ZHX2: variants seen among roughly 807,000 people sequenced by gnomAD.
The protein encoded by ZHX2 is zinc fingers and homeoboxes 2, also known as zinc fingers and homeoboxes protein 2.
In ZHX2, 6 loss-of-function variants were observed where a neutral mutation model predicts 21.9. That is an observed-to-expected ratio of 0.27 (90% CI 0.15 to 0.54). The LOEUF is 0.54. Ranked by LOEUF, ZHX2 falls within the 20% of genes least tolerant of loss-of-function variation. The pLI is 0.95. For synonymous variants in ZHX2, 434 were observed against 437.1 expected (o/e 0.99, Z 0.09); for missense variants, 908 against 1,090.7 (o/e 0.83, Z 2.36).
intron 1 of ZHX2, among the ~76,000 whole-genome samples, chr8:122,793,942 T>C (rs1247917149): frequency 1.3e-5 from 2 of 152,200 alleles, no homozygotes; most frequent in South Asian, 2.1e-4. Context: ...GTGGGCCATC[T>C]GTGCTATAGG....
chr8:122,925,597 G>A (rs1261560086), intron 2 of ZHX2, among the ~76,000 whole-genome samples: 1 of 152,200 alleles, frequency 6.6e-6, no homozygotes, highest in Non-Finnish European at 1.5e-5. Flanking sequence ...TATAAGCAAG[G>A]CTTTGAAGAT....
intron 2 of ZHX2, among the ~76,000 whole-genome samples, chr8:122,893,982 G>C (rs1197645345): frequency 6.6e-6 from 1 of 152,220 alleles, no homozygotes; most frequent in East Asian, 1.9e-4. Flanking sequence ...ACTTTTTCCT[G>C]TAGATGTGTC....
chr8:122,970,536 A>C (rs1813694695), intron 3 of ZHX2, among the ~76,000 whole-genome samples: 1 of 152,130 alleles, frequency 6.6e-6, no homozygotes, highest in Non-Finnish European at 1.5e-5. Context: ...CAGATCCTGG[A>C]TCCCAGCTTT....
At position 122,819,810 on chromosome 8, in the gene ZHX2, C is replaced by T. The variant is rs148855712; in HGVS notation, c.-283+37864C>T. 4.1e-3 allele frequency among the ~76,000 whole-genome samples: 620 copies of T among 152,338 alleles called. 1 individual carries two copies. The highest frequency in any genetic ancestry group is 0.013 in the African/African-American group (557 of 41,578). ...CTTCCAGAAGGCAGTGAAGTGGTTA[C>T]ATCCAAATACCCACAAGAGGCCGGA... On this transcript the variant is annotated intron_variant, in intron 1 of 3. Coordinates refer to ENST00000314393, the MANE Select transcript of ZHX2 (RefSeq NM_014943.5).
intron 2 of ZHX2, among the ~76,000 whole-genome samples, chr8:122,883,997 A>G (rs1214289545): frequency 6.6e-6 from 1 of 152,254 alleles, no homozygotes; most frequent in East Asian, 1.9e-4. Context: ...TGAACCTCAT[A>G]GAGTGAACTC....
At chr8:122,826,660 G>A (rs371792392) in intron 1 of ZHX2, among the ~76,000 whole-genome samples, 50 of 152,298 alleles carry the variant, frequency 3.3e-4, no homozygotes, top group Admixed American at 8.5e-4. Flanking sequence ...TGTTCACAGC[G>A]CACGGCACTG....
At chr8:122,943,511 T>A (rs976880599) in intron 2 of ZHX2, among the ~76,000 whole-genome samples, 1 of 152,194 alleles carries the variant, frequency 6.6e-6, no homozygotes, top group African/African-American at 2.4e-5. Context: ...ATGTTGGCTG[T>A]CATTATTGTT....
chr8:122,931,578 A>G (rs1416251705), intron 2 of ZHX2, among the ~76,000 whole-genome samples: 2 of 152,162 alleles, frequency 1.3e-5, no homozygotes, highest in East Asian at 3.8e-4. Context: ...GAGGTTCTAT[A>G]CAGGGGTGTG....
intron 1 of ZHX2, among the ~76,000 whole-genome samples, chr8:122,834,621 G>A (rs958385772): frequency 1.3e-5 from 2 of 152,172 alleles, no homozygotes; most frequent in Non-Finnish European, 2.9e-5. Flanking sequence ...AAATTTAGAA[G>A]GTCTCATTGT....
intron 2 of ZHX2, among the ~76,000 whole-genome samples, chr8:122,887,215 G>A (rs1387955825): frequency 6.6e-6 from 1 of 151,824 alleles, no homozygotes; most frequent in Admixed American, 6.6e-5. Flanking sequence ...GAGTGTGGGT[G>A]AAAAGAAATA....
chr8:122,959,050 T>G (rs965783051), intron 3 of ZHX2, among the ~76,000 whole-genome samples: 1 of 152,176 alleles, frequency 6.6e-6, no homozygotes, highest in Non-Finnish European at 1.5e-5. Flanking sequence ...CCAACCTACA[T>G]GTGCAAGCCA....
chr8:122,954,057 G>A, intron 3 of ZHX2, 29 bp downstream of exon 3: 1 of 1,537,224 alleles, frequency 6.5e-7, no homozygotes, highest in Non-Finnish European at 8.8e-7. Context: ...CCAGGCAGCA[G>A]GGGAGAACGC....
rs529406433 is a variant in ZHX2, at chr8:122,835,524, T to C, written c.-282-27953T>C. Among the ~76,000 whole-genome samples the C allele has an allele frequency of 8.3e-4, 127 of 152,196 alleles. 1 individual carries two copies. The highest frequency in any genetic ancestry group is 1.5e-3 in the South Asian group (7 of 4,818). ...GGGACGGTGTAGGAAAAGAAGTGGA[T>C]ACTGCTTACTGAGAAGATGGCGACT... On this transcript the variant is annotated intron_variant, in intron 1 of 3. Coordinates refer to ENST00000314393, the MANE Select transcript of ZHX2 (RefSeq NM_014943.5).
chr8:122,871,131 C>A (rs1048086798), intron 2 of ZHX2, among the ~76,000 whole-genome samples: 1 of 152,098 alleles, frequency 6.6e-6, no homozygotes, highest in East Asian at 1.9e-4. Flanking sequence ...AGCTGTGTAA[C>A]CTTGGAGAGA....
At chr8:122,837,831 G>T (rs1424350836) in intron 1 of ZHX2, among the ~76,000 whole-genome samples, 1 of 152,194 alleles carries the variant, frequency 6.6e-6, no homozygotes, top group African/African-American at 2.4e-5. Flanking sequence ...TAGAGTTAAG[G>T]CTGAGAAGAA....
intron 1 of ZHX2, among the ~76,000 whole-genome samples, chr8:122,849,565 G>T (rs1418173861): frequency 6.6e-6 from 1 of 152,082 alleles, no homozygotes; most frequent in Non-Finnish European, 1.5e-5. Flanking sequence ...CCTTGTGGCT[G>T]CATTTCTCCC....
At chr8:122,806,431 C>T (rs1051854724) in intron 1 of ZHX2, among the ~76,000 whole-genome samples, 2 of 152,262 alleles carry the variant, frequency 1.3e-5, no homozygotes, top group Middle Eastern at 3.4e-3. Context: ...TGCATCTGCC[C>T]GGGTCAGTTT....
At chr8:122,947,686 CCT>C (rs984061281) in intron 2 of ZHX2, among the ~76,000 whole-genome samples, 3 of 152,056 alleles carry the variant, frequency 2.0e-5, no homozygotes, top group African/African-American at 7.2e-5. Flanking sequence ...TCAGCAAAAG[CCT>C]CTCTGTGGGA....
chr8:122,936,839 A>G (rs536507081), intron 2 of ZHX2, among the ~76,000 whole-genome samples: 3 of 151,972 alleles, frequency 2.0e-5, no homozygotes, highest in East Asian at 3.9e-4. Flanking sequence ...GCCCTCAGCA[A>G]CTCCACCAGA....
Sources: gnomAD v4.1 joint callset for allele counts (sites outside exome capture counted in the v4.1 genomes callset) on GRCh38, gnomAD v4.1.1 for gene constraint, MANE v1.5 for transcripts, NCBI Gene and HGNC (gene_info 2026-07-23, HGNC 2026-07-21) for gene names.